Variants in PRKD1 observed in about 807,000 individuals in gnomAD.
PRKD1 encodes serine/threonine-protein kinase D1.
Under a neutral mutation model 95.9 loss-of-function variants are expected in PRKD1, and 63 were observed. That is an observed-to-expected ratio of 0.66 (90% CI 0.54 to 0.81). The LOEUF is 0.81. PRKD1 is among the 30% of genes least tolerant of loss of function. The pLI is 0.00. For missense variants in PRKD1, 1,048 were observed against 1,165.3 expected, an observed-to-expected ratio of 0.90 and a Z score of 1.47; for synonymous variants, 425 against 423.1, an observed-to-expected ratio of 1.00 and a Z score of -0.05.
chr14:29,660,802 A>G (rs1882146812), intron 4 of PRKD1, among the ~76,000 whole-genome samples: 1 of 152,200 alleles, frequency 6.6e-6, no homozygotes, highest in Non-Finnish European at 1.5e-5. Context: ...CCAAAAGTCC[A>G]TAAAACTGAT....
At chr14:29,606,161 C>T (rs1442311516) in intron 13 of PRKD1, among the ~76,000 whole-genome samples, 2 of 151,974 alleles carry the variant, frequency 1.3e-5, no homozygotes, top group Non-Finnish European at 2.9e-5. Flanking sequence ...TACAGGTGCC[C>T]GCCACCATGC....
chr14:29,894,697 T>C (rs1365962224), intron 1 of PRKD1, among the ~76,000 whole-genome samples: 1 of 152,130 alleles, frequency 6.6e-6, no homozygotes, highest in African/African-American at 2.4e-5. Context: ...GAAAACACAA[T>C]GGACAAAACT....
chr14:29,860,141 C>T (rs1327559051), intron 1 of PRKD1, among the ~76,000 whole-genome samples: 1 of 152,210 alleles, frequency 6.6e-6, no homozygotes, highest in Non-Finnish European at 1.5e-5. Context: ...AATAAATGTG[C>T]CACATCTACA....
At chr14:29,613,097 CA>C (rs66712219) in intron 13 of PRKD1, among the ~76,000 whole-genome samples, 6 of 150,050 alleles carry the variant, frequency 4.0e-5, no homozygotes, top group African/African-American at 1.2e-4. Flanking sequence ...GACTCTGTCT[CA>C]AAAAAAAAAT....
chr14:29,862,121 G>A (rs954006079), intron 1 of PRKD1, among the ~76,000 whole-genome samples: 1 of 152,078 alleles, frequency 6.6e-6, no homozygotes, highest in Non-Finnish European at 1.5e-5. Flanking sequence ...AATAACTGAG[G>A]ACATGTGAGG....
chr14:29,866,178 T>C (rs1892899773), intron 1 of PRKD1, among the ~76,000 whole-genome samples: 2 of 151,966 alleles, frequency 1.3e-5, no homozygotes, highest in East Asian at 1.9e-4. Flanking sequence ...ATTGCTGATA[T>C]TTCAGACCAA....
chr14:29,640,598 A>C (rs1294967743), intron 4 of PRKD1, among the ~76,000 whole-genome samples: 2 of 152,224 alleles, frequency 1.3e-5, no homozygotes, highest in Non-Finnish European at 2.9e-5. Context: ...AGAATCATGA[A>C]TATATTGAAT....
intron 2 of PRKD1, among the ~76,000 whole-genome samples, chr14:29,680,895 G>A (rs1306988827): frequency 1.3e-5 from 2 of 152,146 alleles, no homozygotes; most frequent in African/African-American, 2.4e-5. Flanking sequence ...GAAAACACGC[G>A]GAGGAGGAGA....
intron 1 of PRKD1, among the ~76,000 whole-genome samples, chr14:29,755,887 G>A (rs1402979655): frequency 1.3e-5 from 2 of 152,018 alleles, no homozygotes; most frequent in African/African-American, 4.8e-5. Context: ...TTTCTCTTTA[G>A]TTCTCTGCCC....
Position 29,634,542 on chromosome 14 carries a change from C to T in PRKD1, c.1191-1G>A. Reference sequence around the variant, plus strand: ...TGGGATATTGTTGCTTGTTGATGGACTTGAGAAGTCAAAATATTGTAGGGA... The same window carrying T: ...TGGGATATTGTTGCTTGTTGATGGATTTGAGAAGTCAAAATATTGTAGGGA... On this transcript the variant is annotated splice_acceptor_variant, in intron 7 of 17. Coordinates refer to ENST00000331968, the MANE Select transcript of PRKD1 (RefSeq NM_002742.3). LOFTEE classifies it high-confidence loss of function. 6.2e-7 allele frequency: 1 copy of T among 1,613,838 alleles called. No individual in the cohort carries two copies.
chr14:29,703,907 A>G (rs533270712), intron 2 of PRKD1, among the ~76,000 whole-genome samples: 257 of 152,286 alleles, frequency 1.7e-3, no homozygotes, highest in Admixed American at 4.3e-3. Flanking sequence ...CCCAAAACAC[A>G]TACAGAGTTG....
At chr14:29,595,129 C>T (rs1363561806) in intron 16 of PRKD1, among the ~76,000 whole-genome samples, 2 of 152,066 alleles carry the variant, frequency 1.3e-5, no homozygotes, top group Non-Finnish European at 2.9e-5. Flanking sequence ...GAGCTGGTCT[C>T]CATATCACTT....
chr14:29,723,449 T>C (rs933770640), intron 2 of PRKD1, among the ~76,000 whole-genome samples: 3 of 151,908 alleles, frequency 2.0e-5, no homozygotes, highest in African/African-American at 7.3e-5. Flanking sequence ...TTGATCACAA[T>C]AGACTCAGGG....
intron 1 of PRKD1, among the ~76,000 whole-genome samples, chr14:29,736,441 C>T (rs1886717435): frequency 6.6e-6 from 1 of 152,126 alleles, no homozygotes; most frequent in African/African-American, 2.4e-5. Flanking sequence ...GAACAACATT[C>T]CCTAATTTGG....
intron 1 of PRKD1, among the ~76,000 whole-genome samples, chr14:29,872,717 C>T (rs979927066): frequency 1.3e-5 from 2 of 151,846 alleles, no homozygotes; most frequent in Admixed American, 6.6e-5. Flanking sequence ...TCTTTCTTGC[C>T]CTTTAGAATA....
chr14:29,772,964 C>T (rs1186377080), intron 1 of PRKD1, among the ~76,000 whole-genome samples: 2 of 152,038 alleles, frequency 1.3e-5, no homozygotes, highest in Admixed American at 6.5e-5. Context: ...GTTGTTTTGG[C>T]TCATTTTTTG....
intron 4 of PRKD1, among the ~76,000 whole-genome samples, chr14:29,651,895 C>G (rs900196436): frequency 6.6e-6 from 1 of 152,092 alleles, no homozygotes; most frequent in African/African-American, 2.4e-5. Context: ...CAGGCATGCA[C>G]CACCATGCCC....
At chr14:29,899,776 C>T (rs1447728048) in intron 1 of PRKD1, among the ~76,000 whole-genome samples, 1 of 152,158 alleles carries the variant, frequency 6.6e-6, no homozygotes, top group African/African-American at 2.4e-5. Flanking sequence ...TTAGTATGTG[C>T]AAAGCACTAT....
intron 16 of PRKD1, among the ~76,000 whole-genome samples, chr14:29,584,247 T>A (rs1476732175): frequency 1.3e-5 from 2 of 152,202 alleles, no homozygotes; most frequent in Non-Finnish European, 2.9e-5. Context: ...CATTCTCCAT[T>A]TTAAAGCAAA....
Sources: gnomAD v4.1 joint callset for allele counts (sites outside exome capture counted in the v4.1 genomes callset) on GRCh38, gnomAD v4.1.1 for gene constraint, MANE v1.5 for transcripts, NCBI Gene and HGNC (gene_info 2026-07-23, HGNC 2026-07-21) for gene names.